The following GALNT17 variants were observed in gnomAD, a reference collection of about 807,000 sequenced individuals.
GALNT17 encodes the protein polypeptide N-acetylgalactosaminyltransferase 17.
In GALNT17, 29 loss-of-function variants were observed where a neutral mutation model predicts 63.7. The ratio of observed to expected loss-of-function variants is 0.46; its 90% confidence interval spans 0.34 to 0.62. The LOEUF (loss-of-function observed/expected upper bound fraction) is 0.62, where lower values mean the gene tolerates loss of function less well. Ranked by LOEUF, GALNT17 falls within the 20% of genes least tolerant of loss-of-function variation. The probability of loss-of-function intolerance (pLI) is 0.01; values close to 1 mark genes in which losing one functional copy is unlikely to be tolerated. For missense variants in GALNT17, 603 were observed against 799.6 expected (o/e 0.75, Z 2.97); for synonymous variants, 305 against 318.3 (o/e 0.96, Z 0.45).
At chr7:71,583,181 G>A (rs892504609) in intron 6 of GALNT17, among the ~76,000 whole-genome samples, 8 of 152,200 alleles carry the variant, frequency 5.3e-5, no homozygotes, top group Middle Eastern at 3.4e-3. Context: ...TGCAACCTCC[G>A]CCTCCCAGGT....
intron 1 of GALNT17, among the ~76,000 whole-genome samples, chr7:71,265,118 A>ATATATTTTTTTTTTT (rs1390488895): frequency 1.1e-4 from 4 of 37,458 alleles, no homozygotes; most frequent in East Asian, 5.6e-4. Context: ...ATATATATAT[A>ATATATTTTTTTTTTT]TTTTTTTTTT....
chr7:71,307,406 T>C (rs1266518213), intron 1 of GALNT17, among the ~76,000 whole-genome samples: 1 of 151,968 alleles, frequency 6.6e-6, no homozygotes, highest in African/African-American at 2.4e-5. Context: ...GGGTATATGT[T>C]ATTACACTAG....
intron 6 of GALNT17, among the ~76,000 whole-genome samples, chr7:71,602,039 C>T (rs1283804441): frequency 6.6e-6 from 1 of 152,208 alleles, no homozygotes; most frequent in Non-Finnish European, 1.5e-5. Flanking sequence ...CAAGACTGGC[C>T]TTTGCCATGG....
intron 2 of GALNT17, among the ~76,000 whole-genome samples, chr7:71,377,734 T>C (rs1330633955): frequency 1.3e-5 from 2 of 152,190 alleles, no homozygotes; most frequent in Admixed American, 6.5e-5. Flanking sequence ...ATGGAGGTGA[T>C]TGGATCATGG....
intron 3 of GALNT17, among the ~76,000 whole-genome samples, chr7:71,392,674 G>A (rs1278949170): frequency 6.6e-6 from 1 of 152,098 alleles, no homozygotes; most frequent in Non-Finnish European, 1.5e-5. Flanking sequence ...AAGAAAATGG[G>A]AGGAGGAGGT....
intron 6 of GALNT17, among the ~76,000 whole-genome samples, chr7:71,583,206 TG>T (rs1361678614): frequency 1.3e-5 from 2 of 152,200 alleles, no homozygotes; most frequent in East Asian, 3.9e-4. Context: ...GCGATTCTCC[TG>T]CCTCAGCCTC....
At chr7:71,644,546 A>AAAAAAAAAC (rs1790648470) in intron 6 of GALNT17, among the ~76,000 whole-genome samples, 1 of 100,210 alleles carries the variant, frequency 1.0e-5, no homozygotes, top group Non-Finnish European at 1.9e-5. Flanking sequence ...AAAAAAAAAA[A>AAAAAAAAAC]AAACAAAAGA....
chr7:71,588,367 T>G (rs1163633316), intron 6 of GALNT17, among the ~76,000 whole-genome samples: 1 of 152,226 alleles, frequency 6.6e-6, no homozygotes, highest in Non-Finnish European at 1.5e-5. Flanking sequence ...TAATATTTCT[T>G]TATGGTTTGT....
intron 1 of GALNT17, among the ~76,000 whole-genome samples, chr7:71,263,923 C>CA (rs1486262320): frequency 2.0e-5 from 3 of 151,680 alleles, no homozygotes; most frequent in Non-Finnish European, 2.9e-5. Flanking sequence ...CATTCCGTCC[C>CA]AAAAAAACAA....
chr7:71,573,789 A>T (rs1250008642), intron 6 of GALNT17, among the ~76,000 whole-genome samples: 1 of 152,168 alleles, frequency 6.6e-6, no homozygotes, highest in East Asian at 1.9e-4. Context: ...GGTAGTAAGC[A>T]TAGTACCTGA....
intron 1 of GALNT17, among the ~76,000 whole-genome samples, chr7:71,140,009 A>C (rs1040179686): frequency 2.7e-5 from 4 of 150,400 alleles, no homozygotes; most frequent in Non-Finnish European, 5.9e-5. Context: ...TAAACAAACA[A>C]ACACACACCA....
At chr7:71,539,184 G>A (rs1441877405) in intron 5 of GALNT17, among the ~76,000 whole-genome samples, 1 of 152,022 alleles carries the variant, frequency 6.6e-6, no homozygotes, top group Non-Finnish European at 1.5e-5. Flanking sequence ...TGCACCTCTT[G>A]GCCTCCCAAA....
intron 5 of GALNT17, among the ~76,000 whole-genome samples, chr7:71,504,241 A>T (rs930717447): frequency 7.9e-5 from 12 of 151,656 alleles, no homozygotes; most frequent in South Asian, 2.1e-4. Context: ...AAAAAAAAAA[A>T]AATTAGCTGG....
At chr7:71,670,901 T>TGTGTGTGTGTGTGTGTGTGTGTGC (rs113904463) in intron 8 of GALNT17, among the ~76,000 whole-genome samples, 2 of 150,176 alleles carry the variant, frequency 1.3e-5, no homozygotes, top group Non-Finnish European at 3.0e-5. Context: ...TGTGTGTGTG[T>TGTGTGTGTGTGTGTGTGTGTGTGC]GCGTGTGTGT....
intron 6 of GALNT17, among the ~76,000 whole-genome samples, chr7:71,582,545 C>T (rs1789651863): frequency 1.3e-5 from 2 of 151,920 alleles, no homozygotes; most frequent in Non-Finnish European, 2.9e-5. Context: ...CGTGCCACTG[C>T]ACTCCAGCCT....
At chr7:71,671,984 C>T (rs1006303703) in intron 8 of GALNT17, among the ~76,000 whole-genome samples, 2 of 144,228 alleles carry the variant, frequency 1.4e-5, no homozygotes, top group South Asian at 2.2e-4. Context: ...GCTGAGATCG[C>T]GCCACTGCAC....
chr7:71,578,183 C>T (rs568359230), intron 6 of GALNT17, among the ~76,000 whole-genome samples: 1 of 152,002 alleles, frequency 6.6e-6, no homozygotes, highest in African/African-American at 2.4e-5. Context: ...ATTACAGGCA[C>T]CCACCACCAC....
intron 2 of GALNT17, among the ~76,000 whole-genome samples, chr7:71,360,764 C>A (rs1291285565): frequency 6.6e-6 from 1 of 152,058 alleles, no homozygotes; most frequent in African/African-American, 2.4e-5. Context: ...AAAACCCCGT[C>A]TCTACTAAAA....
At chr7:71,267,903 C>A (rs1190837828) in intron 1 of GALNT17, among the ~76,000 whole-genome samples, 1 of 150,916 alleles carries the variant, frequency 6.6e-6, no homozygotes, top group Non-Finnish European at 1.5e-5. Context: ...TTTTTCCCCT[C>A]CCTGTGTCCA....
Sources: allele counts gnomAD v4.1 joint callset (sites outside exome capture counted in the v4.1 genomes callset), GRCh38; gene constraint gnomAD v4.1.1; transcripts MANE v1.5; gene names NCBI Gene and HGNC (gene_info 2026-07-23, HGNC 2026-07-21).